PEBP4: variants seen among roughly 807,000 people sequenced by gnomAD.
PEBP4 encodes phosphatidylethanolamine-binding protein 4.
PEBP4 carries 22 observed loss-of-function variants against 23.9 expected under a neutral mutation model. That is an observed-to-expected ratio of 0.92 (90% CI 0.66 to 1.31). The LOEUF (loss-of-function observed/expected upper bound fraction) is 1.31, where lower values mean the gene tolerates loss of function less well. Ranked by LOEUF, PEBP4 falls within the 40% of genes most tolerant of loss-of-function variation. The pLI is 0.00. For synonymous variants in PEBP4, 112 were observed against 99.3 expected (o/e 1.13, Z -0.76); for missense variants, 324 against 281.7 (o/e 1.15, Z -1.07).
At chr8:22,789,691 C>T (rs1399130388) in intron 4 of PEBP4, among the ~76,000 whole-genome samples, 1 of 152,230 alleles carries the variant, frequency 6.6e-6, no homozygotes, top group South Asian at 2.1e-4. Flanking sequence ...GGAAATCAGT[C>T]TCTGGGTGGC....
chr8:22,790,336 AT>A (rs1328807541), intron 4 of PEBP4, among the ~76,000 whole-genome samples: 2 of 152,198 alleles, frequency 1.3e-5, no homozygotes, highest in African/African-American at 4.8e-5. Flanking sequence ...TCCTCAGGCC[AT>A]GTGGAAGCAC....
chr8:22,929,434 G>A (rs1258711788), upstream of PEBP4, among the ~76,000 whole-genome samples: 1 of 152,220 alleles, frequency 6.6e-6, no homozygotes, highest in African/African-American at 2.4e-5. Flanking sequence ...GCACAGTGAT[G>A]GCGGCCTGGA....
intron 4 of PEBP4, among the ~76,000 whole-genome samples, chr8:22,808,230 G>GCCATCCAT (rs139934006): frequency 1.4e-5 from 2 of 142,556 alleles, no homozygotes; most frequent in Admixed American, 7.0e-5. Flanking sequence ...CCAACCTCTA[G>GCCATCCAT]CCATCCATCC....
intron 4 of PEBP4, among the ~76,000 whole-genome samples, chr8:22,809,354 G>A (rs1806567991): frequency 6.6e-6 from 1 of 152,136 alleles, no homozygotes; most frequent in Non-Finnish European, 1.5e-5. Flanking sequence ...GCATGGCTGA[G>A]GCAGGTGTGG....
intron 3 of PEBP4, chr8:22,878,234 G>GGGAGAGGGAGGT (rs1470645588): frequency 8.1e-6 from 1 of 122,990 alleles, no homozygotes; most frequent in Non-Finnish European, 1.8e-5. Context: ...GAGAGGGAGG[G>GGGAGAGGGAGGT]AGGGAGGGAG....
chr8:22,925,275 C>A, intron 2 of PEBP4: 2 of 985,410 alleles, frequency 2.0e-6, no homozygotes, highest in Non-Finnish European at 2.4e-6. Flanking sequence ...TGGGGGCCTG[C>A]TGGTGTATTC....
intron 3 of PEBP4, among the ~76,000 whole-genome samples, chr8:22,833,334 CTCTT>C (rs1197984425): frequency 1.3e-5 from 2 of 152,134 alleles, no homozygotes; most frequent in Non-Finnish European, 2.9e-5. Flanking sequence ...GGCATGATCC[CTCTT>C]TCTGTTTTTT....
upstream of PEBP4, among the ~76,000 whole-genome samples, chr8:22,928,474 G>T (rs1356004414): frequency 6.6e-6 from 1 of 152,186 alleles, no homozygotes; most frequent in Non-Finnish European, 1.5e-5. Flanking sequence ...CTGGGGAGCT[G>T]CTTGGGGCTC....
chr8:22,870,947 G>T (rs1434291270), intron 3 of PEBP4, among the ~76,000 whole-genome samples: 1 of 152,140 alleles, frequency 6.6e-6, no homozygotes, highest in African/African-American at 2.4e-5. Context: ...ATTGATGAAG[G>T]TGGAAAGGGA....
chr8:22,730,169 C>T (rs537885776), intron 4 of PEBP4, among the ~76,000 whole-genome samples: 16 of 152,258 alleles, frequency 1.1e-4, no homozygotes, highest in South Asian at 1.0e-3. Context: ...GATTAAAATA[C>T]GGAGATATTA....
At chr8:22,783,219 C>T (rs1216852582) in intron 4 of PEBP4, among the ~76,000 whole-genome samples, 1 of 152,252 alleles carries the variant, frequency 6.6e-6, no homozygotes. Context: ...TAGATCCTTT[C>T]TCAGTCCTTT....
intron 3 of PEBP4, among the ~76,000 whole-genome samples, chr8:22,898,782 C>T (rs563932548): frequency 6.6e-6 from 1 of 152,228 alleles, no homozygotes; most frequent in Non-Finnish European, 1.5e-5. Context: ...GGTTGAAATC[C>T]AGGCTGAGGG....
intron 4 of PEBP4, among the ~76,000 whole-genome samples, chr8:22,737,209 G>A (rs1158408963): frequency 2.0e-5 from 3 of 149,324 alleles, no homozygotes; most frequent in South Asian, 2.1e-4. Context: ...CAGGAGAATC[G>A]CTTGAACCCG....
chr8:22,754,308 C>T (rs535147177), intron 4 of PEBP4, among the ~76,000 whole-genome samples: 20 of 152,248 alleles, frequency 1.3e-4, no homozygotes, highest in Middle Eastern at 3.4e-3. Context: ...TACTGGACTG[C>T]GGGTGTATTA....
chr8:22,791,312 A>G (rs1806135735), intron 4 of PEBP4, among the ~76,000 whole-genome samples: 1 of 152,046 alleles, frequency 6.6e-6, no homozygotes, highest in Admixed American at 6.6e-5. Flanking sequence ...TCACCCGCAA[A>G]TGGTAGAGAG....
Position 22,753,725 on chromosome 8 carries a change from G to C in PEBP4, c.358-26505C>G, listed in dbSNP as rs376336136. Among the ~76,000 whole-genome samples, 61 of 152,294 alleles carry C rather than the reference G, an allele frequency of 4.0e-4. No individual in the cohort carries two copies. In the South Asian group the frequency reaches 0.011, roughly 28 times the overall value. On this transcript the variant is annotated intron_variant, in intron 4 of 6. Transcript: ENST00000256404. ...AGGGGAAGGTGGGAGCCAGGGTCTGGGGCTTTGCCGGGCTGGTGGCCGCCT... is the reference window on the plus strand; with the variant it reads ...AGGGGAAGGTGGGAGCCAGGGTCTGCGGCTTTGCCGGGCTGGTGGCCGCCT...
chr8:22,837,653 C>A (rs546338828), intron 3 of PEBP4, among the ~76,000 whole-genome samples: 1 of 152,256 alleles, frequency 6.6e-6, no homozygotes, highest in African/African-American at 2.4e-5. Context: ...CTTGCTTCCC[C>A]ACCTCTGTGC....
chr8:22,914,581 C>A (rs775814629), intron 3 of PEBP4, among the ~76,000 whole-genome samples: 2 of 152,196 alleles, frequency 1.3e-5, no homozygotes, highest in Non-Finnish European at 2.9e-5. Context: ...TTTCCTGTGG[C>A]CTCACCCAAC....
intron 3 of PEBP4, among the ~76,000 whole-genome samples, chr8:22,873,902 G>A (rs1808063398): frequency 6.6e-6 from 1 of 152,166 alleles, no homozygotes. Flanking sequence ...TTCAGGATTT[G>A]TAGGATTGGA....
Sources: allele counts gnomAD v4.1 joint callset (sites outside exome capture counted in the v4.1 genomes callset), GRCh38; gene constraint gnomAD v4.1.1; transcripts MANE v1.5; gene names NCBI Gene and HGNC (gene_info 2026-07-23, HGNC 2026-07-21).